Variants in ARB2A observed in about 807,000 individuals in gnomAD.
ARB2A encodes the protein ARB2 cotranscriptional regulator A, also known as cotranscriptional regulator ARB2A.
At chr5:93,772,020 G>A in the ARB2A span, among the ~76,000 whole-genome samples, 4 of 152,112 alleles carry the variant, frequency 2.6e-5, no homozygotes, top group Non-Finnish European at 2.9e-5. Flanking sequence ...TGTTTACTGT[G>A]GCACTATTCA....
the ARB2A span, among the ~76,000 whole-genome samples, chr5:93,965,038 G>C: frequency 6.6e-6 from 1 of 151,998 alleles, no homozygotes; most frequent in African/African-American, 2.4e-5. Context: ...AGTTCCTCTA[G>C]ATGTCCATGT....
chr5:93,711,366 T>C, the ARB2A span, among the ~76,000 whole-genome samples: 1 of 152,122 alleles, frequency 6.6e-6, no homozygotes, highest in African/African-American at 2.4e-5. Flanking sequence ...ACTGGGAACA[T>C]CTGTCATAAG....
At chr5:93,736,728 T>C in the ARB2A span, 10 of 152,306 alleles carry the variant, frequency 6.6e-5, no homozygotes, top group East Asian at 1.4e-3. Flanking sequence ...GCATTTTTCA[T>C]TTATTCCAGA....
chr5:93,645,654 A>C, the ARB2A span, among the ~76,000 whole-genome samples: 8 of 152,142 alleles, frequency 5.3e-5, no homozygotes, highest in Non-Finnish European at 8.8e-5. Flanking sequence ...TGCAACCCCA[A>C]GACACTAAAG....
At chr5:93,697,921 A>G in the ARB2A span, among the ~76,000 whole-genome samples, 1 of 152,186 alleles carries the variant, frequency 6.6e-6, no homozygotes, top group Non-Finnish European at 1.5e-5. Context: ...TTTAGGGTTT[A>G]ACCCTTTTAT....
At chr5:93,696,760 C>G in the ARB2A span, among the ~76,000 whole-genome samples, 1 of 152,026 alleles carries the variant, frequency 6.6e-6, no homozygotes, top group Non-Finnish European at 1.5e-5. Flanking sequence ...ACATTACTGT[C>G]TTTTTTAAAA....
chr5:93,958,674 G>A, the ARB2A span: 2 of 804,588 alleles, frequency 2.5e-6, no homozygotes, highest in South Asian at 4.6e-5. Flanking sequence ...ACAACCCAAA[G>A]ATAAGATTAT....
At chr5:94,051,850 C>T in the ARB2A span, among the ~76,000 whole-genome samples, 6 of 152,088 alleles carry the variant, frequency 3.9e-5, 1 homozygote, top group East Asian at 9.6e-4. Flanking sequence ...GATGGAGTCT[C>T]GCTCTGTCAC....
At chr5:94,085,007 A>C in the ARB2A span, among the ~76,000 whole-genome samples, 2 of 152,218 alleles carry the variant, frequency 1.3e-5, no homozygotes, top group African/African-American at 2.4e-5. Context: ...AAAATTAAGA[A>C]GTCCGACAAT....
the ARB2A span, among the ~76,000 whole-genome samples, chr5:94,002,496 T>C: frequency 6.6e-6 from 1 of 152,102 alleles, no homozygotes; most frequent in African/African-American, 2.4e-5. Context: ...TGTCTGCGCA[T>C]TATTTTCTGC....
At chr5:93,764,296 C>T in the ARB2A span, among the ~76,000 whole-genome samples, 23 of 151,948 alleles carry the variant, frequency 1.5e-4, no homozygotes, top group Middle Eastern at 3.4e-3. Context: ...ATTGATTGAC[C>T]GCTAGCAAGA....
the ARB2A span, among the ~76,000 whole-genome samples, chr5:93,699,017 G>C: frequency 6.6e-6 from 1 of 152,204 alleles, no homozygotes; most frequent in Non-Finnish European, 1.5e-5. Context: ...ACAGTTATCA[G>C]AATAGACTGA....
At chr5:93,741,445 GC>G in the ARB2A span, 3 of 1,613,518 alleles carry the variant, frequency 1.9e-6, no homozygotes, top group Non-Finnish European at 2.5e-6. Flanking sequence ...CCTGCCAGGG[GC>G]CGCCTGGGTG....
At chr5:93,770,805 G>T in the ARB2A span, among the ~76,000 whole-genome samples, 1 of 152,064 alleles carries the variant, frequency 6.6e-6, no homozygotes, top group African/African-American at 2.4e-5. Context: ...AATAAAAGAG[G>T]ATACAAACAA....
chr5:93,621,018 C>A, the ARB2A span: 1 of 1,610,670 alleles, frequency 6.2e-7, no homozygotes, highest in Non-Finnish European at 8.5e-7. Flanking sequence ...GCGGTGGGAG[C>A]GGCGCGTCAC....
chr5:93,987,838 A>C, the ARB2A span, among the ~76,000 whole-genome samples: 1 of 152,214 alleles, frequency 6.6e-6, no homozygotes, highest in Non-Finnish European at 1.5e-5. Flanking sequence ...TATGTATTCA[A>C]CTAACTATTG....
At chr5:93,752,256 T>C in the ARB2A span, among the ~76,000 whole-genome samples, 2 of 152,192 alleles carry the variant, frequency 1.3e-5, no homozygotes, top group Non-Finnish European at 1.5e-5. Flanking sequence ...CACTGGTCCC[T>C]GACTTATTTT....
At chr5:93,666,803 T>C in the ARB2A span, among the ~76,000 whole-genome samples, 2 of 152,204 alleles carry the variant, frequency 1.3e-5, no homozygotes, top group African/African-American at 4.8e-5. Context: ...GGCTCACTGT[T>C]CAGGAAACCT....
At chr5:93,689,341 G>A in the ARB2A span, among the ~76,000 whole-genome samples, 1 of 152,180 alleles carries the variant, frequency 6.6e-6, no homozygotes, top group African/African-American at 2.4e-5. Context: ...TTAGCACCTA[G>A]TATAGAACCT....
Sources: gnomAD v4.1 joint callset for allele counts (sites outside exome capture counted in the v4.1 genomes callset) on GRCh38, gnomAD v4.1.1 for gene constraint, MANE v1.5 for transcripts, NCBI Gene and HGNC (gene_info 2026-07-23, HGNC 2026-07-21) for gene names.